Variants in AK4 observed in about 807,000 individuals in gnomAD.
AK4 encodes adenylate kinase 4, mitochondrial.
AK4 carries 13 observed loss-of-function variants against 24.6 expected under a neutral mutation model. The ratio of observed to expected loss-of-function variants is 0.53; its 90% confidence interval spans 0.34 to 0.84. The LOEUF is 0.84. Ranked by LOEUF, AK4 falls within the 40% of genes least tolerant of loss-of-function variation. The pLI, the probability that AK4 is intolerant of heterozygous loss-of-function variation, is 0.01. For missense variants in AK4, 192 were observed against 288.2 expected, an observed-to-expected ratio of 0.67 and a Z score of 2.42; for synonymous variants, 88 against 107.0, an observed-to-expected ratio of 0.82 and a Z score of 1.10.
At chr1:65,171,951 A>G (rs541711763) in intron 1 of AK4, among the ~76,000 whole-genome samples, 2 of 150,466 alleles carry the variant, frequency 1.3e-5, no homozygotes, top group African/African-American at 2.4e-5. Flanking sequence ...AATCCCCGCT[A>G]CTCGGGAGGC....
At chr1:65,209,157 T>A (rs1651900048) in intron 2 of AK4, among the ~76,000 whole-genome samples, 1 of 152,140 alleles carries the variant, frequency 6.6e-6, no homozygotes, top group Non-Finnish European at 1.5e-5. Context: ...GGATGAGGGA[T>A]AGCGATAGTC....
At chr1:65,219,750 A>T (rs1482819574) in intron 3 of AK4, among the ~76,000 whole-genome samples, 1 of 152,182 alleles carries the variant, frequency 6.6e-6, no homozygotes. Flanking sequence ...TATTAACTAA[A>T]ATTCATAGTT....
intron 1 of AK4, among the ~76,000 whole-genome samples, chr1:65,187,576 T>G (rs1651145338): frequency 6.6e-6 from 1 of 152,128 alleles, no homozygotes; most frequent in Admixed American, 6.5e-5. Flanking sequence ...ATGGCAGATG[T>G]TATAGTGTGT....
rs564046194 is a variant in AK4, at chr1:65,213,889, C to T, written c.266-4865C>T. Among the ~76,000 whole-genome samples the T allele has an allele frequency of 7.4e-4, 112 of 152,270 alleles. 1 individual carries two copies. Among genetic ancestry groups the T allele is most frequent in the African/African-American group, 2.6e-3 (108 of 41,558 alleles). On this transcript the variant is annotated intron_variant, in intron 2 of 4. Coordinates refer to ENST00000327299, the MANE Select transcript of AK4 (RefSeq NM_013410.4). ...GTGGGCCCCAATCCAATCTGACTGG[C>T]GTCCTTATAAGAAAAGGACATTTGG...
intron 2 of AK4, among the ~76,000 whole-genome samples, chr1:65,215,456 G>A (rs1199954852): frequency 6.6e-6 from 1 of 152,220 alleles, no homozygotes; most frequent in Non-Finnish European, 1.5e-5. Context: ...ACAGGCGTGA[G>A]CCACCATGTC....
chr1:65,219,721 TAAAC>T (rs374249759), intron 3 of AK4, among the ~76,000 whole-genome samples: 1,739 of 152,334 alleles, frequency 0.011, 7 homozygotes, highest in Non-Finnish European at 0.017. Flanking sequence ...TTACAGTTAA[TAAAC>T]TAATATAGAA....
At chr1:65,156,195 A>G (rs1649979079) in intron 1 of AK4, among the ~76,000 whole-genome samples, 1 of 152,204 alleles carries the variant, frequency 6.6e-6, no homozygotes, top group African/African-American at 2.4e-5. Flanking sequence ...AAATTTTCAA[A>G]TAATACACTA....
chr1:65,178,826 G>A (rs913646095), intron 1 of AK4, among the ~76,000 whole-genome samples: 3 of 152,140 alleles, frequency 2.0e-5, no homozygotes, highest in African/African-American at 7.2e-5. Context: ...ACAGACAAGG[G>A]GTCAAAGGAT....
chr1:65,204,376 T>G (rs1651753214), intron 2 of AK4, among the ~76,000 whole-genome samples: 1 of 152,060 alleles, frequency 6.6e-6, no homozygotes, highest in African/African-American at 2.4e-5. Flanking sequence ...ATTTTTTACA[T>G]TTTTGATAGA....
At chr1:65,181,172 A>G (rs11208605) in intron 1 of AK4, among the ~76,000 whole-genome samples, 50,469 of 149,200 alleles carry the variant, frequency 0.34, 9,597 homozygotes, top group East Asian at 0.52. Context: ...TGCTAGAAAC[A>G]ATAACAATTT....
intron 1 of AK4, among the ~76,000 whole-genome samples, chr1:65,166,531 AT>A (rs113431066): frequency 0.043 from 6,612 of 152,018 alleles, 360 homozygotes; most frequent in African/African-American, 0.14. Flanking sequence ...TGCTTTTTAA[AT>A]TTTTTTTGAA....
intron 2 of AK4, among the ~76,000 whole-genome samples, chr1:65,210,141 A>G (rs190452750): frequency 3.0e-4 from 46 of 152,284 alleles, no homozygotes; most frequent in Non-Finnish European, 5.0e-4. Context: ...AAATACTACT[A>G]CTTACTTGGT....
At chr1:65,187,270 C>T (rs1471822215) in intron 1 of AK4, among the ~76,000 whole-genome samples, 1 of 150,850 alleles carries the variant, frequency 6.6e-6, no homozygotes, top group African/African-American at 2.4e-5. Flanking sequence ...ATGGTGTGAA[C>T]CCAGGAGGCA....
At chr1:65,161,858 G>A (rs1650177370) in intron 1 of AK4, among the ~76,000 whole-genome samples, 1 of 152,198 alleles carries the variant, frequency 6.6e-6, no homozygotes, top group Non-Finnish European at 1.5e-5. Flanking sequence ...GTGAGGAAGA[G>A]TGGGAAGACT....
At chr1:65,186,842 A>G (rs1312648706) in intron 1 of AK4, among the ~76,000 whole-genome samples, 2 of 152,166 alleles carry the variant, frequency 1.3e-5, no homozygotes, top group African/African-American at 4.8e-5. Flanking sequence ...GAAAACATAC[A>G]CTCACACAAT....
chr1:65,162,143 G>A (rs1482783235), intron 1 of AK4, among the ~76,000 whole-genome samples: 5 of 152,168 alleles, frequency 3.3e-5, no homozygotes, highest in Non-Finnish European at 7.3e-5. Flanking sequence ...CCCAGCTACT[G>A]GGAGGCTGAG....
chr1:65,154,886 T>C (rs1224872716), intron 1 of AK4, among the ~76,000 whole-genome samples: 2 of 151,924 alleles, frequency 1.3e-5, no homozygotes, highest in Non-Finnish European at 2.9e-5. Context: ...GTCTTGCTCT[T>C]GTCATCCAGG....
intron 1 of AK4, among the ~76,000 whole-genome samples, chr1:65,152,314 CTA>C (rs199599935): frequency 5.4e-3 from 374 of 69,412 alleles, no homozygotes; most frequent in African/African-American, 0.023. Flanking sequence ...TCTGCACTTG[CTA>C]TCTCTCTCTC....
intron 2 of AK4, among the ~76,000 whole-genome samples, chr1:65,197,213 T>C (rs1369488324): frequency 2.5e-5 from 1 of 39,950 alleles, no homozygotes; most frequent in African/African-American, 1.5e-3. Flanking sequence ...TAGTAACTGT[T>C]TTTTTTCGTT....
Sources: gnomAD v4.1 joint callset for allele counts (sites outside exome capture counted in the v4.1 genomes callset) on GRCh38, gnomAD v4.1.1 for gene constraint, MANE v1.5 for transcripts, NCBI Gene and HGNC (gene_info 2026-07-23, HGNC 2026-07-21) for gene names.